Variants in INPP4B observed in about 807,000 individuals in gnomAD.
The protein encoded by INPP4B is inositol polyphosphate 4-phosphatase type II.
INPP4B carries 55 observed loss-of-function variants against 122.5 expected under a neutral mutation model. The ratio of observed to expected loss-of-function variants is 0.45; its 90% confidence interval spans 0.36 to 0.56. The LOEUF is 0.56. Among genes scored for constraint, INPP4B ranks in the 20% least tolerant of loss-of-function variants. The probability of loss-of-function intolerance (pLI) is 0.00; values close to 1 mark genes in which losing one functional copy is unlikely to be tolerated. For missense variants in INPP4B, 1,000 were observed against 1,097.7 expected, an observed-to-expected ratio of 0.91 and a Z score of 1.26; for synonymous variants, 403 against 388.7, an observed-to-expected ratio of 1.04 and a Z score of -0.43.
intron 3 of INPP4B, among the ~76,000 whole-genome samples, chr4:142,456,403 T>A (rs531575849): frequency 2.6e-5 from 4 of 152,210 alleles, no homozygotes; most frequent in African/African-American, 7.2e-5. Context: ...CAGTGTATGT[T>A]CTTGACAATT....
intron 16 of INPP4B, among the ~76,000 whole-genome samples, chr4:142,168,001 CTT>C (rs888188697): frequency 8.0e-5 from 12 of 150,782 alleles, no homozygotes; most frequent in Middle Eastern, 3.4e-3. Context: ...GAGGATGTGA[CTT>C]TATTTTCTTC....
intron 1 of INPP4B, among the ~76,000 whole-genome samples, chr4:142,801,454 G>T (rs1368620215): frequency 1.3e-5 from 2 of 152,190 alleles, no homozygotes; most frequent in Non-Finnish European, 2.9e-5. Context: ...CACCAGGGTT[G>T]CACGTGCACA....
At chr4:142,770,537 C>A (rs1325237463) in intron 1 of INPP4B, among the ~76,000 whole-genome samples, 1 of 151,978 alleles carries the variant, frequency 6.6e-6, no homozygotes, top group Admixed American at 6.6e-5. Context: ...ATTCTCATTG[C>A]CCTCCTACCA....
intron 6 of INPP4B, 88 bp downstream of exon 6, chr4:142,405,118 T>TGTGG (rs1802942063): frequency 1.9e-6 from 1 of 523,064 alleles, no homozygotes; most frequent in Non-Finnish European, 3.2e-6. Context: ...GGGGCGGGGG[T>TGTGG]GGGGGGGAGG....
chr4:142,705,713 T>C (rs1234609193), intron 2 of INPP4B, among the ~76,000 whole-genome samples: 2 of 152,182 alleles, frequency 1.3e-5, no homozygotes, highest in Admixed American at 6.5e-5. Flanking sequence ...TAAGCTTTCA[T>C]CTCTTCATCT....
chr4:142,767,016 A>G (rs1451537413), intron 1 of INPP4B, among the ~76,000 whole-genome samples: 2 of 152,210 alleles, frequency 1.3e-5, no homozygotes, highest in Non-Finnish European at 2.9e-5. Flanking sequence ...ATTGGGGAAT[A>G]AAGCCACCCA....
At chr4:142,233,064 G>T (rs1490565424) in intron 12 of INPP4B, among the ~76,000 whole-genome samples, 2 of 152,200 alleles carry the variant, frequency 1.3e-5, no homozygotes, top group African/African-American at 2.4e-5. Flanking sequence ...GAAGCAGCAA[G>T]CGCTGATGGA....
chr4:142,495,926 G>A (rs1441735626), intron 2 of INPP4B, among the ~76,000 whole-genome samples: 1 of 152,168 alleles, frequency 6.6e-6, no homozygotes. Context: ...GCCCATATAG[G>A]CAAATGCCCC....
At chr4:142,447,926 C>A (rs950550187) in intron 3 of INPP4B, among the ~76,000 whole-genome samples, 2 of 151,918 alleles carry the variant, frequency 1.3e-5, no homozygotes, top group Non-Finnish European at 2.9e-5. Flanking sequence ...GAAAACATTC[C>A]CCAAAGAAGT....
Position 142,398,559 on chromosome 4 carries a change from G to A in INPP4B, c.372+4379C>T, listed in dbSNP as rs541425287. On this transcript the variant is annotated intron_variant, in intron 7 of 25. Coordinates refer to ENST00000262992, the MANE Select transcript of INPP4B (RefSeq NM_001101669.3). ...AGAAGAAAGCCAACTATCAGAATTT[G>A]TATCTCAACAGGTATAGTTAGACTT... 6.1e-4 allele frequency among the ~76,000 whole-genome samples: 91 copies of A among 149,826 alleles called. 2 individuals are homozygous for A. The South Asian group carries it at 0.018, about 30-fold the overall frequency.
chr4:142,381,362 G>T (rs1458891860), intron 7 of INPP4B, among the ~76,000 whole-genome samples: 3 of 151,862 alleles, frequency 2.0e-5, no homozygotes, highest in African/African-American at 7.2e-5. Flanking sequence ...CATGTTTCTT[G>T]TTTTTATTTT....
chr4:142,641,017 A>G (rs530739847), intron 2 of INPP4B, among the ~76,000 whole-genome samples: 1 of 152,282 alleles, frequency 6.6e-6, no homozygotes, highest in South Asian at 2.1e-4. Context: ...CTGTTTGGCA[A>G]TATCTGCTAA....
At chr4:142,602,755 G>A (rs142161884) in intron 2 of INPP4B, among the ~76,000 whole-genome samples, 3 of 152,288 alleles carry the variant, frequency 2.0e-5, no homozygotes, top group East Asian at 1.9e-4. Flanking sequence ...ACTTTTGCAC[G>A]TTGGTGGGAG....
At chr4:142,253,917 G>A (rs9993063) in intron 11 of INPP4B, among the ~76,000 whole-genome samples, 150,176 of 152,274 alleles carry the variant, frequency 0.99, 74,102 homozygotes, top group East Asian at 1. Context: ...CAGACAAACA[G>A]AAAGACAGCA....
chr4:142,257,189 A>G lies in INPP4B; in HGVS notation c.688+3303T>C, dbSNP rs917785244. On this transcript the variant is annotated intron_variant, in intron 11 of 25. Transcript: ENST00000262992. ...GCTAAAAACTCTCAATAAATTAGGT[A>G]TTGACGGGACGTATCTCAAAATAAT... Among the ~76,000 whole-genome samples, 38 of 152,336 alleles carry G rather than the reference A, an allele frequency of 2.5e-4. 2 individuals carry two copies. The highest frequency in any genetic ancestry group is 2.4e-3 in the Admixed American group (36 of 15,306).
chr4:142,444,276 G>T (rs566633004), intron 3 of INPP4B, among the ~76,000 whole-genome samples: 1 of 152,066 alleles, frequency 6.6e-6, no homozygotes, highest in South Asian at 2.1e-4. Context: ...TTTGTCAAAT[G>T]GATAGATTGC....
chr4:142,042,150 G>A (rs1748055336), intron 25 of INPP4B, among the ~76,000 whole-genome samples: 1 of 152,138 alleles, frequency 6.6e-6, no homozygotes, highest in African/African-American at 2.4e-5. Context: ...CTGTTTTCCT[G>A]TCTTTTACCA....
chr4:142,415,555 G>A (rs990131954), intron 5 of INPP4B, among the ~76,000 whole-genome samples: 13 of 151,920 alleles, frequency 8.6e-5, no homozygotes, highest in African/African-American at 3.1e-4. Flanking sequence ...ACTGTTGGTG[G>A]GACTGTAAAC....
At chr4:142,603,936 C>G (rs35255414) in intron 2 of INPP4B, among the ~76,000 whole-genome samples, 14,943 of 151,180 alleles carry the variant, frequency 0.099, 782 homozygotes, top group South Asian at 0.15. Context: ...ACACAAAGTA[C>G]AGGCCAATAC....
Sources: gnomAD v4.1 joint callset for allele counts (sites outside exome capture counted in the v4.1 genomes callset) on GRCh38, gnomAD v4.1.1 for gene constraint, MANE v1.5 for transcripts, NCBI Gene and HGNC (gene_info 2026-07-23, HGNC 2026-07-21) for gene names.